Variants in SDK1 observed in about 807,000 individuals in gnomAD.
SDK1 encodes protein sidekick-1.
A neutral mutation model predicts 245.5 loss-of-function variants in SDK1; 157 were observed. That is an observed-to-expected ratio of 0.64 (90% CI 0.56 to 0.73). The LOEUF (loss-of-function observed/expected upper bound fraction) is 0.73. SDK1 is among the 30% of genes least tolerant of loss of function. The probability of loss-of-function intolerance (pLI) is 0.00; values close to 1 mark genes in which losing one functional copy is unlikely to be tolerated. For synonymous variants in SDK1, 1,647 were observed against 1,278.5 expected (o/e 1.29, Z -6.15); for missense variants, 3,583 against 3,002.3 (o/e 1.19, Z -4.52).
chr7:3,743,406 C>T (rs1306669442), intron 4 of SDK1, among the ~76,000 whole-genome samples: 2 of 152,126 alleles, frequency 1.3e-5, no homozygotes, highest in Admixed American at 1.3e-4. Flanking sequence ...TCTCTTACCT[C>T]TTTTCTCATG....
Position 3,503,466 on chromosome 7 carries a change from C to G in SDK1, c.299-115614C>G, listed in dbSNP as rs1782282353. Among the ~76,000 whole-genome samples the G allele has an allele frequency of 3.3e-5, 5 of 151,936 alleles. No homozygotes were observed. The South Asian group carries it at 1.0e-3, about 32-fold the overall frequency. On this transcript the variant is annotated intron_variant, in intron 1 of 44. Coordinates refer to ENST00000404826, the MANE Select transcript of SDK1 (RefSeq NM_152744.4). ...AGGCCAAGCAGGAGGATTGCTTGAG[C>G]CCAGGAGTTTGAGACCAGCCGGGCA... is the stretch of plus-strand genomic sequence containing the variant.
chr7:3,425,154 A>G (rs905614897), intron 1 of SDK1, among the ~76,000 whole-genome samples: 26 of 150,876 alleles, frequency 1.7e-4, no homozygotes, highest in Non-Finnish European at 2.6e-4. Flanking sequence ...AATTGTAAGA[A>G]CTACAAAACT....
At chr7:3,702,869 G>A (rs1017972322) in intron 4 of SDK1, among the ~76,000 whole-genome samples, 1 of 152,222 alleles carries the variant, frequency 6.6e-6, no homozygotes. Flanking sequence ...TGGAAATGCA[G>A]ATTGAAACCA....
intron 17 of SDK1, among the ~76,000 whole-genome samples, chr7:4,018,580 A>G (rs548274124): frequency 4.6e-5 from 7 of 152,376 alleles, no homozygotes; most frequent in Non-Finnish European, 8.8e-5. Context: ...TAAATTAACA[A>G]TAAACTTAGA....
intron 5 of SDK1, among the ~76,000 whole-genome samples, chr7:3,917,458 T>G (rs1299747736): frequency 1.3e-5 from 2 of 152,144 alleles, no homozygotes; most frequent in African/African-American, 4.8e-5. Context: ...GGCTGCACTT[T>G]GGGGCACTGT....
chr7:3,317,530 C>T (rs1158312448), intron 1 of SDK1, among the ~76,000 whole-genome samples: 1 of 151,872 alleles, frequency 6.6e-6, no homozygotes. Flanking sequence ...TGTGCTGTTC[C>T]CTGGGTGCCT....
In SDK1 at chr7:3,967,209, C is replaced by T. The variant is rs560242183; in HGVS notation, c.1430-109C>T. ...GAACAGTATTCCTTTTGTATTGCTA[C>T]AGTTACCTCTGTGATTGGCTCTCTA... On this transcript the variant is annotated intron_variant, in intron 9 of 44. Transcript: ENST00000404826. The T allele has an allele frequency of 9.1e-5, 74 of 810,766 alleles. 1 individual carries two copies. In the South Asian group the frequency reaches 1.1e-3, roughly 12 times the overall value. The allele number at this position is 810,766 out of a possible 1,614,324, so 50.2% of individuals were successfully genotyped here.
Position 3,997,864 on chromosome 7 carries a change from C to A in SDK1, c.2131+10542C>A, listed in dbSNP as rs575110342. On this transcript the variant is annotated intron_variant, in intron 14 of 44. Coordinates refer to ENST00000404826, the MANE Select transcript of SDK1 (RefSeq NM_152744.4). Reference sequence around the variant, plus strand: ...GTCTGCCTCCTGCTGCCATTCATGGCACTCATGCTCGCCCTGACTTTGCCC... The same window carrying A: ...GTCTGCCTCCTGCTGCCATTCATGGAACTCATGCTCGCCCTGACTTTGCCC... Among the ~76,000 whole-genome samples the A allele has an allele frequency of 2.0e-5, 3 of 152,328 alleles. No individual in the cohort carries two copies. The South Asian group carries it at 6.2e-4, about 32-fold the overall frequency.
intron 2 of SDK1, among the ~76,000 whole-genome samples, chr7:3,635,223 C>A (rs180924210): frequency 1.2e-3 from 177 of 152,164 alleles, no homozygotes; most frequent in African/African-American, 3.9e-3. Context: ...TTTAGATGAA[C>A]CATTCCACAT....
chr7:4,014,635 C>T (rs867911730), intron 16 of SDK1, among the ~76,000 whole-genome samples: 20 of 152,066 alleles, frequency 1.3e-4, no homozygotes, highest in Admixed American at 5.2e-4. Context: ...GTAGTTAGGA[C>T]GCGTGTGCAG....
chr7:3,473,805 G>C (rs1442387385), intron 1 of SDK1, among the ~76,000 whole-genome samples: 6 of 152,000 alleles, frequency 3.9e-5, no homozygotes, highest in Admixed American at 1.3e-4. Context: ...TGATGAACAT[G>C]AGCTGAAAAT....
intron 2 of SDK1, among the ~76,000 whole-genome samples, chr7:3,621,141 G>A (rs1216492591): frequency 1.3e-5 from 2 of 152,126 alleles, no homozygotes; most frequent in East Asian, 3.9e-4. Flanking sequence ...AGTGATCGTA[G>A]GCAGCATTAT....
At chr7:4,194,200 C>CGA (rs1562415290) in intron 35 of SDK1, among the ~76,000 whole-genome samples, 1 of 149,838 alleles carries the variant, frequency 6.7e-6, no homozygotes, top group Non-Finnish European at 1.5e-5. Context: ...GGAGAGAGAG[C>CGA]GAGAGAGATA....
intron 4 of SDK1, among the ~76,000 whole-genome samples, chr7:3,660,581 GA>G (rs1783320215): frequency 1.3e-5 from 2 of 152,058 alleles, no homozygotes; most frequent in South Asian, 2.1e-4. Context: ...CAGCCAGGTT[GA>G]AAAAAGGTCC....
At chr7:3,936,520 G>A (rs924438380) in intron 5 of SDK1, among the ~76,000 whole-genome samples, 83 of 152,074 alleles carry the variant, frequency 5.5e-4, no homozygotes, top group Non-Finnish European at 9.6e-4. Context: ...GTGAGGTGGA[G>A]GTTGCAATGA....
At chr7:4,035,800 C>T (rs898992007) in intron 17 of SDK1, among the ~76,000 whole-genome samples, 3 of 152,104 alleles carry the variant, frequency 2.0e-5, no homozygotes, top group Non-Finnish European at 4.4e-5. Context: ...GAAGCAAAGA[C>T]GGTATGCTAT....
chr7:3,894,377 C>A (rs565616665), intron 5 of SDK1, among the ~76,000 whole-genome samples: 1 of 151,384 alleles, frequency 6.6e-6, no homozygotes, highest in African/African-American at 2.4e-5. Flanking sequence ...TTGAGTGAAG[C>A]TGTGAGATCC....
intron 40 of SDK1, among the ~76,000 whole-genome samples, chr7:4,232,042 C>CTT (rs58243380): frequency 0.16 from 20,874 of 131,644 alleles, 2,022 homozygotes; most frequent in Non-Finnish European, 0.22. Flanking sequence ...TCTGAGCCTA[C>CTT]TTTTTTTTTT....
intron 19 of SDK1, among the ~76,000 whole-genome samples, chr7:4,057,920 A>G (rs1469603480): frequency 6.6e-6 from 1 of 152,242 alleles, no homozygotes; most frequent in African/African-American, 2.4e-5. Context: ...CCTTTATGAA[A>G]GCAAATCCAA....
Sources: gnomAD v4.1 joint callset for allele counts (sites outside exome capture counted in the v4.1 genomes callset) on GRCh38, gnomAD v4.1.1 for gene constraint, MANE v1.5 for transcripts, NCBI Gene and HGNC (gene_info 2026-07-23, HGNC 2026-07-21) for gene names.